Variants in ZBED6 observed in about 807,000 individuals in gnomAD.
ZBED6 encodes zinc finger BED-type containing 6, also known as zinc finger BED domain-containing protein 6.
A neutral mutation model predicts 58.4 loss-of-function variants in ZBED6; 40 were observed. The observed-to-expected ratio is 0.68, with a 90% CI of 0.53 to 0.89. ZBED6 has a LOEUF of 0.89. Ranked by LOEUF, ZBED6 falls within the 40% of genes least tolerant of loss-of-function variation. ZBED6 has a pLI of 0.00. For missense variants in ZBED6, 1,057 were observed against 1,003.9 expected (o/e 1.05, Z -0.71); for synonymous variants, 439 against 350.6 (o/e 1.25, Z -2.82).
exon 1 of ZBED6, chr1:203,802,714 C>CTTTTTTTTTTTTTTTTTTTTTTTTT (rs150416242): frequency 7.6e-6 from 1 of 131,660 alleles, no homozygotes; most frequent in Non-Finnish European, 1.6e-5. Flanking sequence ...TAAATGAACT[C>CTTTTTTTTTTTTTTTTTTTTTTTTT]TTTTTTTTTG....
exon 1 of ZBED6, chr1:203,797,618 T>C: frequency 6.5e-7 from 1 of 1,535,906 alleles, no homozygotes; most frequent in Non-Finnish European, 8.7e-7. Flanking sequence ...GATGTGTTCC[T>C]ATTAATTCTA....
chr1:203,850,572 T>C lies in ZBED6; in HGVS notation c.*4696T>C, dbSNP rs765575093. On this transcript the variant is annotated 3_prime_UTR_variant, in exon 15 of 17. Coordinates refer to ENST00000550078, the Ensembl canonical transcript of ZBED6. ...GTTAAAGTTGTGTCATCCCCCAAAT[T>C]GGCCCCAAAACGTAAGGCAGTGGAG... The C allele has an allele frequency of 3.1e-6, 5 of 1,614,008 alleles. No homozygotes were observed. In the South Asian group the frequency reaches 5.5e-5, roughly 18 times the overall value.
chr1:203,827,140 AGAT>A (rs1478997706), intron 3 of ZBED6, among the ~76,000 whole-genome samples: 1 of 152,176 alleles, frequency 6.6e-6, no homozygotes, highest in East Asian at 1.9e-4. Context: ...TCTCATTACT[AGAT>A]GATATTCTGT....
Position 203,806,106 on chromosome 1 carries a change from A to AC in ZBED6, c.*2554+3095dup, listed in dbSNP as rs547767421. On this transcript the variant is annotated intron_variant, in intron 1 of 16. Coordinates refer to ENST00000550078, the Ensembl canonical transcript of ZBED6. ...TCTGCGTAATCATATTCTTTGTAGG[A>AC]CCCCCTCTCATCTTGATCTGGTCCT... The AC allele has an allele frequency of 2.0e-3, 997 of 495,620 alleles. 12 individuals are homozygous for AC. Among genetic ancestry groups the AC allele is most frequent in the African/African-American group, 0.017 (859 of 50,384 alleles). 30.7% of individuals were successfully genotyped at this position (495,620 alleles called of 1,614,324 possible). A position where few individuals can be genotyped will look rare whatever the true frequency, so the allele number is the denominator to read the frequency against.
intron 1 of ZBED6, among the ~76,000 whole-genome samples, chr1:203,807,774 C>G (rs1672876451): frequency 6.6e-6 from 1 of 152,050 alleles, no homozygotes; most frequent in South Asian, 2.1e-4. Context: ...GAGGGTCTTG[C>G]TCTGTTGCGC....
At chr1:203,805,889 C>CA in intron 1 of ZBED6, 1 of 734,048 alleles carries the variant, frequency 1.4e-6, no homozygotes, top group Non-Finnish European at 2.5e-6. Context: ...TGTAAATTCT[C>CA]AATCTGGTCA....
chr1:203,842,378 C>T (rs1331017549), intron 11 of ZBED6, among the ~76,000 whole-genome samples: 2 of 152,234 alleles, frequency 1.3e-5, no homozygotes, highest in African/African-American at 2.4e-5. Flanking sequence ...AGGCAGATCA[C>T]TCGCGGTCAG....
At chr1:203,845,881 A>G (rs556424391) in intron 11 of ZBED6, among the ~76,000 whole-genome samples, 6 of 152,240 alleles carry the variant, frequency 3.9e-5, no homozygotes, top group African/African-American at 4.8e-5. Flanking sequence ...ACAAGCAAAC[A>G]AAAAACACAG....
At chr1:203,795,922 T>TC (rs1668254195) in exon 1 of ZBED6, 8 of 151,520 alleles carry the variant, frequency 5.3e-5, no homozygotes, top group African/African-American at 1.9e-4. Flanking sequence ...TCAGAGCGGA[T>TC]CCTTCAGCTT....
intron 9 of ZBED6, 177 bp downstream of exon 9, chr1:203,834,030 G>T (rs187175437): frequency 1.9e-5 from 24 of 1,266,168 alleles, no homozygotes. Flanking sequence ...AAGATACAGA[G>T]ATTTAAAGTG....
intron 1 of ZBED6, among the ~76,000 whole-genome samples, chr1:203,811,076 GGTTGCA>G (rs1674321012): frequency 6.6e-6 from 1 of 151,722 alleles, no homozygotes; most frequent in Non-Finnish European, 1.5e-5. Context: ...AGAAGGTGGA[GGTTGCA>G]ATGAGCCGAG....
chr1:203,800,124 G>A lies in ZBED6; in HGVS notation c.2602G>A (p.Asp868Asn), dbSNP rs913167626. The change falls in exon 1 of 17, where the codon GAT (aspartate) becomes AAT (asparagine). Residue 868 changes from aspartate to asparagine, a missense_variant. Asp to Asn is a conservative substitution (Grantham distance 23, BLOSUM62 1). Coordinates refer to ENST00000550078, the Ensembl canonical transcript of ZBED6. ...GTTCCCTTCTGCTGTAGCAGTTGTG[G>A]ATGAGTACTTCAAAGAGAAGTATTC... 42 of 1,536,020 alleles carry A rather than the reference G, an allele frequency of 2.7e-5. No individual in the cohort carries two copies. Among genetic ancestry groups the A allele is most frequent in the Admixed American group, 2.2e-4 (11 of 50,980 alleles).
chr1:203,850,806 T>C, intron 15 of ZBED6, 125 bp downstream of exon 15: 6 of 1,354,136 alleles, frequency 4.4e-6, no homozygotes, highest in Non-Finnish European at 6.1e-6. Context: ...TTTTAGTAAT[T>C]TGGGTTACTA....
intron 1 of ZBED6, among the ~76,000 whole-genome samples, chr1:203,810,863 G>A (rs919341046): frequency 1.3e-5 from 2 of 151,808 alleles, no homozygotes; most frequent in African/African-American, 2.4e-5. Context: ...TGGGCCAGAC[G>A]CTCACGCCTG....
In ZBED6 at chr1:203,797,519, G is replaced by T; in HGVS notation, c.-4G>T. 1 of 1,490,732 alleles carries T rather than the reference G, an allele frequency of 6.7e-7. No homozygotes were observed. Among genetic ancestry groups the T allele is most frequent in the South Asian group, 1.3e-5 (1 of 75,150 alleles). 92.3% of individuals were successfully genotyped at this position (1,490,732 alleles called of 1,614,324 possible). A position where few individuals can be genotyped will look rare whatever the true frequency, so the allele number is the denominator to read the frequency against. ...CTGGTACGAATTGTGGAGACATAAAGAGAATGAGTGTATGTACTCTAAGTG... is the reference window on the plus strand; with the variant it reads ...CTGGTACGAATTGTGGAGACATAAATAGAATGAGTGTATGTACTCTAAGTG... On this transcript the variant is annotated 5_prime_UTR_variant, in exon 1 of 17. An upstream open reading frame in the 5' UTR gains an earlier in-frame stop. Transcript: ENST00000550078.
At chr1:203,819,525 T>G (rs1421239322) in intron 3 of ZBED6, among the ~76,000 whole-genome samples, 1 of 120,592 alleles carries the variant, frequency 8.3e-6, no homozygotes, top group African/African-American at 3.2e-5. Flanking sequence ...CCCAGCTGAC[T>G]CCAATTTTTT....
intron 3 of ZBED6, among the ~76,000 whole-genome samples, chr1:203,827,768 G>C (rs1229479813): frequency 6.6e-6 from 1 of 151,966 alleles, no homozygotes; most frequent in Non-Finnish European, 1.5e-5. Flanking sequence ...GAGAATTCAT[G>C]AATGGGAAGA....
exon 1 of ZBED6, chr1:203,799,229 G>A: frequency 1.1e-6 from 1 of 881,554 alleles, no homozygotes; most frequent in Non-Finnish European, 1.8e-6. Context: ...CCTCTAATGT[G>A]GTACATGCAA....
chr1:203,810,246 G>T (rs61827262), intron 1 of ZBED6, among the ~76,000 whole-genome samples: 19,085 of 151,790 alleles, frequency 0.13, 1,571 homozygotes, highest in East Asian at 0.29. Context: ...AAAGTGTTAG[G>T]ATTATAGGCA....
Sources: allele counts gnomAD v4.1 joint callset (sites outside exome capture counted in the v4.1 genomes callset), GRCh38; gene constraint gnomAD v4.1.1; transcripts MANE v1.5; gene names NCBI Gene and HGNC (gene_info 2026-07-23, HGNC 2026-07-21).